Variants in NLN observed in about 807,000 individuals in gnomAD.
The protein encoded by NLN is neurolysin, also known as neurolysin, mitochondrial.
Under a neutral mutation model 79.9 loss-of-function variants are expected in NLN, and 64 were observed. The observed-to-expected ratio is 0.80, with a 90% confidence interval of 0.65 to 0.99. The LOEUF (loss-of-function observed/expected upper bound fraction) is 0.99. Among genes scored for constraint, NLN ranks in the 50% least tolerant of loss-of-function variants. The pLI is 0.00. For synonymous variants in NLN, 267 were observed against 296.6 expected, an observed-to-expected ratio of 0.90 and a Z score of 1.02; for missense variants, 835 against 858.7, an observed-to-expected ratio of 0.97 and a Z score of 0.34.
At chr5:65,742,289 A>G (rs1758886003) in intron 1 of NLN, among the ~76,000 whole-genome samples, 1 of 152,150 alleles carries the variant, frequency 6.6e-6, no homozygotes, top group Non-Finnish European at 1.5e-5. Context: ...TGCTAGAGGA[A>G]GTTGTACACA....
At chr5:65,811,635 A>G (rs1185966367) in intron 11 of NLN, among the ~76,000 whole-genome samples, 1 of 152,142 alleles carries the variant, frequency 6.6e-6, no homozygotes, top group Non-Finnish European at 1.5e-5. Flanking sequence ...CAGCCTGACC[A>G]AAGTGGTGAA....
chr5:65,792,984 GC>G (rs1404152526), intron 9 of NLN: 1 of 386,672 alleles, frequency 2.6e-6, no homozygotes, highest in Non-Finnish European at 5.0e-6. Flanking sequence ...GAAAAACTGT[GC>G]TGTAATCTGT....
At chr5:65,755,072 A>C (rs1414175396) in intron 1 of NLN, among the ~76,000 whole-genome samples, 1 of 152,022 alleles carries the variant, frequency 6.6e-6, no homozygotes, top group African/African-American at 2.4e-5. Flanking sequence ...CTCCCATTTT[A>C]CTGTTTTATT....
intron 7 of NLN, among the ~76,000 whole-genome samples, chr5:65,786,972 A>G (rs1759938221): frequency 6.6e-6 from 1 of 152,242 alleles, no homozygotes. Context: ...AGTCTGATGC[A>G]TGGTATACAA....
intron 9 of NLN, among the ~76,000 whole-genome samples, chr5:65,795,602 G>A (rs909498991): frequency 2.0e-5 from 3 of 152,090 alleles, no homozygotes; most frequent in African/African-American, 7.2e-5. Context: ...CAGGAGAATC[G>A]CTTGAACCCA....
At chr5:65,753,680 A>T (rs1003750098) in intron 1 of NLN, among the ~76,000 whole-genome samples, 3 of 151,598 alleles carry the variant, frequency 2.0e-5, no homozygotes, top group Non-Finnish European at 4.4e-5. Context: ...AATATTAATG[A>T]TACTAATGGA....
intron 1 of NLN, among the ~76,000 whole-genome samples, chr5:65,735,091 C>T (rs1404881847): frequency 6.6e-6 from 1 of 152,174 alleles, no homozygotes; most frequent in Non-Finnish European, 1.5e-5. Context: ...ATGCTGTTCT[C>T]ATGATACTGA....
chr5:65,742,627 T>A (rs2178731), intron 1 of NLN, among the ~76,000 whole-genome samples: 36,008 of 152,154 alleles, frequency 0.24, 4,405 homozygotes, highest in African/African-American at 0.27. Context: ...CTTGGCAAGA[T>A]AACTTTGAAA....
At chr5:65,784,703 A>T (rs559493419) in intron 6 of NLN, among the ~76,000 whole-genome samples, 2 of 152,340 alleles carry the variant, frequency 1.3e-5, no homozygotes, top group South Asian at 4.1e-4. Flanking sequence ...AGACCATAGC[A>T]TGTGGCATTA....
rs765740283 is a variant in NLN at position 65,758,643 on chromosome 5, T to A, written c.118T>A (p.Tyr40Asn). 6.2e-7 allele frequency: 1 copy of A among 1,613,326 alleles called. No homozygotes were observed. Among genetic ancestry groups the A allele is most frequent in the Non-Finnish European group, 8.5e-7 (1 of 1,179,358 alleles). Residue 40 changes from tyrosine to asparagine, a missense_variant, in exon 2 of 13, where the codon TAT becomes AAT. Physicochemically the swap from Tyr to Asn is moderately radical, Grantham distance 143 (BLOSUM62 -2). Transcript: ENST00000380985. ...GTCTCCTCTTCAGGCAATGTCTTCC[T>A]ATACTGTGGCTGGCAGAAATGTTTT... is the stretch of plus-strand genomic sequence containing the variant. ...VMSPLQAMSSYTVAGRNVLRW... is the reference protein window; with the variant it reads ...VMSPLQAMSSNTVAGRNVLRW...
At chr5:65,814,499 C>A (rs980546550) in intron 12 of NLN, among the ~76,000 whole-genome samples, 2 of 152,156 alleles carry the variant, frequency 1.3e-5, no homozygotes, top group African/African-American at 4.8e-5. Flanking sequence ...AGGTCTCACT[C>A]ACATAACTGC....
chr5:65,722,706 GT>G (rs1196213923), intron 1 of NLN: 6 of 449,258 alleles, frequency 1.3e-5, no homozygotes, highest in African/African-American at 1.3e-4. Context: ...AATGCAAATA[GT>G]TTGGATAAGA....
At chr5:65,730,237 G>A (rs2150732687) in intron 1 of NLN, among the ~76,000 whole-genome samples, 1 of 152,328 alleles carries the variant, frequency 6.6e-6, no homozygotes, top group Admixed American at 6.5e-5. Context: ...AGTAAAATGG[G>A]AAAGGGGAAT....
At chr5:65,770,236 A>G (rs1258132020) in intron 3 of NLN, among the ~76,000 whole-genome samples, 1 of 152,246 alleles carries the variant, frequency 6.6e-6, no homozygotes, top group Non-Finnish European at 1.5e-5. Flanking sequence ...TTCATAAGGA[A>G]AAGTGAAAAG....
chr5:65,822,005 A>G (rs1201013279), intron 12 of NLN, among the ~76,000 whole-genome samples: 1 of 151,962 alleles, frequency 6.6e-6, no homozygotes, highest in Non-Finnish European at 1.5e-5. Context: ...TGAATTGTTT[A>G]TTATCTGTAT....
chr5:65,781,894 A>T lies in NLN; in HGVS notation c.822+473A>T, dbSNP rs904704669. ...GCTCAAAGACCAGGATCTCTGGGTGATACAGTTCTTCCTGGTTGTAGCTTC... is the reference window on the plus strand; with the variant it reads ...GCTCAAAGACCAGGATCTCTGGGTGTTACAGTTCTTCCTGGTTGTAGCTTC... On this transcript the variant is annotated intron_variant, in intron 6 of 12. Transcript: ENST00000380985. 5.3e-5 allele frequency among the ~76,000 whole-genome samples: 8 copies of T among 152,160 alleles called. No individual in the cohort carries two copies. The South Asian group carries it at 1.7e-3, about 32-fold the overall frequency.
intron 1 of NLN, among the ~76,000 whole-genome samples, chr5:65,734,782 A>AG (rs2150734821): frequency 6.6e-6 from 1 of 152,348 alleles, no homozygotes; most frequent in East Asian, 1.9e-4. Flanking sequence ...ACAATGTATA[A>AG]GGTCCATACT....
At position 65,827,878 on chromosome 5, in the gene NLN, G is replaced by A. The variant is rs1167860567; in HGVS notation, c.*4963G>A. On this transcript the variant is annotated 3_prime_UTR_variant, in exon 13 of 13. Coordinates refer to ENST00000380985, the MANE Select transcript of NLN (RefSeq NM_020726.5). ...TAAAGAATACAAAAATTAGCCAGGT[G>A]TTGTGGCACATGCCTGTACTCCCAG... The A allele has an allele frequency of 6.6e-6, 1 of 152,170 alleles. No individual in the cohort carries two copies. The highest frequency in any genetic ancestry group is 1.5e-5 in the Non-Finnish European group (1 of 68,032). The allele number at this position is 152,170 out of a possible 1,614,324, so 9.4% of individuals were successfully genotyped here.
intron 6 of NLN, among the ~76,000 whole-genome samples, chr5:65,784,749 T>C (rs1579948672): frequency 6.6e-6 from 1 of 152,224 alleles, no homozygotes; most frequent in Non-Finnish European, 1.5e-5. Flanking sequence ...TATATTTTTC[T>C]GCAGCCATCA....
Sources: allele counts gnomAD v4.1 joint callset (sites outside exome capture counted in the v4.1 genomes callset), GRCh38; gene constraint gnomAD v4.1.1; transcripts MANE v1.5; gene names NCBI Gene and HGNC (gene_info 2026-07-23, HGNC 2026-07-21).